CA10: variants seen among roughly 807,000 people sequenced by gnomAD.
CA10 encodes the protein carbonic anhydrase-related protein 10.
CA10 carries 14 observed loss-of-function variants against 44.2 expected under a neutral mutation model. The ratio of observed to expected loss-of-function variants is 0.32; its 90% CI spans 0.21 to 0.50. The LOEUF is 0.50. Among genes scored for constraint, CA10 ranks in the 20% least tolerant of loss-of-function variants. The pLI is 0.99. For missense variants in CA10, 350 were observed against 409.7 expected (o/e 0.85, Z 1.26); for synonymous variants, 159 against 141.6 (o/e 1.12, Z -0.87).
intron 3 of CA10, among the ~76,000 whole-genome samples, chr17:51,820,115 GT>G (rs1211391122): frequency 1.3e-4 from 20 of 150,296 alleles, no homozygotes; most frequent in African/African-American, 4.7e-4. Flanking sequence ...CTTGTCCCAA[GT>G]TCCACAGCTT....
chr17:52,014,165 T>A (rs1985895750), intron 2 of CA10, among the ~76,000 whole-genome samples: 1 of 151,946 alleles, frequency 6.6e-6, no homozygotes, highest in African/African-American at 2.4e-5. Flanking sequence ...CATATGAATT[T>A]ATGAATGAAA....
chr17:52,113,859 G>C (rs1055973570), intron 1 of CA10, among the ~76,000 whole-genome samples: 2 of 152,176 alleles, frequency 1.3e-5, no homozygotes, highest in African/African-American at 4.8e-5. Flanking sequence ...GCTGAACCTT[G>C]TTTTCTAACA....
At chr17:51,860,904 T>A (rs1329953454) in intron 3 of CA10, among the ~76,000 whole-genome samples, 1 of 152,122 alleles carries the variant, frequency 6.6e-6, no homozygotes, top group Non-Finnish European at 1.5e-5. Flanking sequence ...ACTAAGTATT[T>A]GACTTAATCC....
At position 51,844,717 on chromosome 17, in the gene CA10, A is replaced by T. The variant is rs527751644; in HGVS notation, c.279+86273T>A. 3.9e-5 allele frequency among the ~76,000 whole-genome samples: 6 copies of T among 152,308 alleles called. No homozygotes were observed. The East Asian group carries it at 1.2e-3, about 29-fold the overall frequency. On this transcript the variant is annotated intron_variant, in intron 3 of 8. Coordinates refer to ENST00000451037, the MANE Select transcript of CA10 (RefSeq NM_020178.5). ...CTTGAGGTAGTTTCAAAATATGTCC[A>T]CAAAAGAGGCAGAGCCTAATTCCCC...
rs1041589651 is a variant in CA10 at position 51,658,009 on chromosome 17, T to A, written c.466-4273A>T. Among the ~76,000 whole-genome samples, 7 of 152,362 alleles carry A rather than the reference T, an allele frequency of 4.6e-5. 2 individuals are homozygous for A. The highest frequency in any genetic ancestry group is 2.4e-5 in the African/African-American group (1 of 41,580). ...AAATTATTTAATAATCTTGATTTTT[T>A]AAATTAGTTTTAGGCGAGTATCCTC... On this transcript the variant is annotated intron_variant, in intron 4 of 8. Coordinates refer to ENST00000451037, the MANE Select transcript of CA10 (RefSeq NM_020178.5).
At chr17:51,779,318 T>A (rs1474388672) in intron 3 of CA10, among the ~76,000 whole-genome samples, 13 of 152,166 alleles carry the variant, frequency 8.5e-5, no homozygotes, top group Non-Finnish European at 1.9e-4. Flanking sequence ...GTGAATACTT[T>A]TTTTGAATTT....
chr17:51,926,017 T>A (rs1598121275), intron 3 of CA10, among the ~76,000 whole-genome samples: 1 of 152,094 alleles, frequency 6.6e-6, no homozygotes, highest in East Asian at 1.9e-4. Flanking sequence ...AATGCATAGT[T>A]GTGATGACTG....
intron 1 of CA10, among the ~76,000 whole-genome samples, chr17:52,094,323 A>AG (rs1194478353): frequency 9.9e-5 from 15 of 151,814 alleles, no homozygotes; most frequent in Non-Finnish European, 1.6e-4. Flanking sequence ...TAAAGCAAAA[A>AG]AAAAAAAGAT....
intron 1 of CA10, among the ~76,000 whole-genome samples, chr17:52,104,167 G>A (rs1297108393): frequency 6.6e-6 from 1 of 151,302 alleles, no homozygotes; most frequent in East Asian, 1.9e-4. Context: ...GGAGGGTGGG[G>A]TCCCTCATCA....
rs149689342 is a variant in CA10, at chr17:51,656,430, A to G, written c.466-2694T>C. 7.6e-3 allele frequency among the ~76,000 whole-genome samples: 1,152 copies of G among 152,310 alleles called. 10 individuals are homozygous for G. Among genetic ancestry groups the G allele is most frequent in the African/African-American group, 0.026 (1,068 of 41,564 alleles). ...ACATTTAAAACTTTGATCTGAAGTC[A>G]TGCCTCCTCTCTGTTCCAAGGTGAG... On this transcript the variant is annotated intron_variant, in intron 4 of 8. Coordinates refer to ENST00000451037, the MANE Select transcript of CA10 (RefSeq NM_020178.5).
intron 2 of CA10, among the ~76,000 whole-genome samples, chr17:51,985,008 C>T (rs1028967796): frequency 5.9e-5 from 9 of 151,990 alleles, no homozygotes; most frequent in Non-Finnish European, 1.3e-4. Flanking sequence ...CTCCATAATT[C>T]ATTCTATGAA....
intron 5 of CA10, among the ~76,000 whole-genome samples, chr17:51,649,878 GAAAAA>G (rs4058505): frequency 7.0e-6 from 1 of 142,732 alleles, no homozygotes; most frequent in South Asian, 2.2e-4. Flanking sequence ...TAAGGAAATG[GAAAAA>G]AAAAAAAACT....
chr17:51,669,454 C>A (rs959811747), intron 4 of CA10, among the ~76,000 whole-genome samples: 1 of 152,110 alleles, frequency 6.6e-6, no homozygotes. Flanking sequence ...AAGCAGGCCG[C>A]CCCAGCCAGC....
At chr17:51,706,457 A>G (rs1035324899) in intron 4 of CA10, among the ~76,000 whole-genome samples, 2 of 152,204 alleles carry the variant, frequency 1.3e-5, no homozygotes, top group African/African-American at 4.8e-5. Context: ...TGCAGAATCC[A>G]GTTGCTTCTC....
chr17:51,935,583 C>T (rs894413901), intron 2 of CA10, among the ~76,000 whole-genome samples: 12 of 152,138 alleles, frequency 7.9e-5, no homozygotes, highest in South Asian at 2.1e-4. Flanking sequence ...TGCATCACAG[C>T]GATGTGTTAT....
At chr17:51,814,898 C>T (rs1048462638) in intron 3 of CA10, among the ~76,000 whole-genome samples, 2 of 152,200 alleles carry the variant, frequency 1.3e-5, no homozygotes, top group East Asian at 1.9e-4. Flanking sequence ...TTTCACATCA[C>T]TGTGTAGCTG....
intron 4 of CA10, among the ~76,000 whole-genome samples, chr17:51,692,965 G>A (rs1438291751): frequency 2.0e-5 from 3 of 152,154 alleles, no homozygotes; most frequent in Admixed American, 2.0e-4. Flanking sequence ...GGTTTCAACA[G>A]GTCTTAGTCA....
At chr17:51,896,637 T>C (rs568490782) in intron 3 of CA10, among the ~76,000 whole-genome samples, 12 of 152,264 alleles carry the variant, frequency 7.9e-5, no homozygotes, top group Admixed American at 7.9e-4. Flanking sequence ...TAGTTCTGTT[T>C]TAAGTTCTCT....
intron 4 of CA10, among the ~76,000 whole-genome samples, chr17:51,679,241 G>A (rs1416309180): frequency 9.8e-6 from 1 of 102,514 alleles, no homozygotes; most frequent in Non-Finnish European, 2.0e-5. Context: ...TCTGGGGCAG[G>A]GTCTGAGACT....
Sources: allele counts gnomAD v4.1 joint callset (sites outside exome capture counted in the v4.1 genomes callset), GRCh38; gene constraint gnomAD v4.1.1; transcripts MANE v1.5; gene names NCBI Gene and HGNC (gene_info 2026-07-23, HGNC 2026-07-21).